The following DGKH variants were observed in gnomAD, a reference collection of about 807,000 sequenced individuals.
The protein encoded by DGKH is diacylglycerol kinase eta.
Under a neutral mutation model 159.3 loss-of-function variants are expected in DGKH, and 90 were observed. The observed-to-expected ratio is 0.57, with a 90% CI of 0.48 to 0.67. The LOEUF (loss-of-function observed/expected upper bound fraction) is 0.67, where lower values mean the gene tolerates loss of function less well. DGKH is among the 30% of genes least tolerant of loss of function. The pLI, the probability that DGKH is intolerant of heterozygous loss-of-function variation, is 0.00. For missense variants in DGKH, 1,181 were observed against 1,506.1 expected (o/e 0.78, Z 3.57); for synonymous variants, 536 against 553.8 (o/e 0.97, Z 0.45).
chr13:42,058,707 G>C (rs534431262), intron 1 of DGKH, among the ~76,000 whole-genome samples: 1 of 152,298 alleles, frequency 6.6e-6, no homozygotes, highest in African/African-American at 2.4e-5. Context: ...CAGATAGATG[G>C]AGCTATGTAA....
At chr13:42,172,188 G>A (rs545830842) in intron 11 of DGKH, among the ~76,000 whole-genome samples, 204 of 150,858 alleles carry the variant, frequency 1.4e-3, no homozygotes, top group African/African-American at 4.8e-3. Context: ...GCACAATCTC[G>A]GCTCACTGTA....
At chr13:42,153,355 A>G (rs1007168469) in intron 3 of DGKH, among the ~76,000 whole-genome samples, 3 of 152,238 alleles carry the variant, frequency 2.0e-5, no homozygotes, top group African/African-American at 7.2e-5. Context: ...TAAAACCATT[A>G]GTCATCATGC....
At chr13:42,250,405 C>T (rs1317882343) in intron 29 of DGKH, among the ~76,000 whole-genome samples, 1 of 152,114 alleles carries the variant, frequency 6.6e-6, no homozygotes, top group Non-Finnish European at 1.5e-5. Flanking sequence ...TCCATCACCT[C>T]GAACCTTTAT....
Position 42,159,611 on chromosome 13 carries a change from G to A in DGKH, c.729+239G>A, listed in dbSNP as rs538976531. On this transcript the variant is annotated intron_variant, in intron 6 of 29. Coordinates refer to ENST00000337343, the MANE Select transcript of DGKH (RefSeq NM_178009.5). ...GCCGTTGTGCTGGGCTGTTGTTGTC[G>A]ACCTCTGATGAACTCTGAGATGTTC... is the stretch of plus-strand genomic sequence containing the variant. Among the ~76,000 whole-genome samples the A allele has an allele frequency of 2.1e-4, 32 of 152,054 alleles. 1 individual carries two copies. Among genetic ancestry groups the A allele is most frequent in the African/African-American group, 7.2e-4 (30 of 41,492 alleles).
At position 42,166,750 on chromosome 13, in the gene DGKH, T is replaced by C. The variant is rs1289083932; in HGVS notation, c.1118+76T>C. ...TAAATGTGTTTGGTTTTTCAGCTCA[T>C]GAAAATTACAGATTCCTCTAGATCC... On this transcript the variant is annotated intron_variant, in intron 9 of 29. Coordinates refer to ENST00000337343, the MANE Select transcript of DGKH (RefSeq NM_178009.5). The C allele has an allele frequency of 3.1e-6, 4 of 1,295,296 alleles. No homozygotes were observed. In the East Asian group the frequency reaches 1.1e-4, roughly 35 times the overall value. 80.2% of individuals were successfully genotyped at this position (1,295,296 alleles called of 1,614,324 possible).
chr13:42,094,551 T>C (rs1049198731), intron 1 of DGKH, among the ~76,000 whole-genome samples: 4 of 152,156 alleles, frequency 2.6e-5, no homozygotes, highest in Non-Finnish European at 5.9e-5. Context: ...TCACAAAGAG[T>C]TTACATTTTA....
intron 13 of DGKH, among the ~76,000 whole-genome samples, chr13:42,186,010 G>GGTGT (rs3039205): frequency 1.2e-3 from 164 of 132,388 alleles, no homozygotes; most frequent in East Asian, 9.2e-3. Context: ...TGGTGGTGGT[G>GGTGT]GTGTGTGTGT....
intron 3 of DGKH, among the ~76,000 whole-genome samples, chr13:42,139,435 G>C (rs1955483308): frequency 6.6e-6 from 1 of 152,182 alleles, no homozygotes; most frequent in Non-Finnish European, 1.5e-5. Flanking sequence ...TCAATAGGTT[G>C]GGAGAGGGCA....
At position 42,088,186 on chromosome 13, in the gene DGKH, G is replaced by A. The variant is rs181316644; in HGVS notation, c.192+39221G>A. Among the ~76,000 whole-genome samples the A allele has an allele frequency of 2.8e-3, 429 of 152,244 alleles. 3 individuals are homozygous for A. Among genetic ancestry groups the A allele is most frequent in the African/African-American group, 9.9e-3 (410 of 41,554 alleles). On this transcript the variant is annotated intron_variant, in intron 1 of 29. Coordinates refer to ENST00000337343, the MANE Select transcript of DGKH (RefSeq NM_178009.5). ...GCTCAGTGAAAAATATCTTTCAAAA[G>A]TGAAGGCAAAATAAATAATTTTGGA...
rs565399141 is a variant in DGKH at position 42,174,169 on chromosome 13, A to T, written c.1452+25A>T. The T allele has an allele frequency of 3.2e-6, 5 of 1,540,610 alleles. No individual in the cohort carries two copies. In the South Asian group the frequency reaches 5.8e-5, roughly 18 times the overall value. ...TGTAAGACTTAACCCTTTACCTATC[A>T]TTTGAAATGGGGGTGGATATCTTGA... is the stretch of plus-strand genomic sequence containing the variant. On this transcript the variant is annotated intron_variant, in intron 12 of 29. Transcript: ENST00000337343.
In DGKH at chr13:42,237,033, T is replaced by C. The variant is rs1958429085; in HGVS notation, c.*7845T>C. 6.6e-6 allele frequency: 1 copy of C among 152,238 alleles called. No individual in the cohort carries two copies. The highest frequency in any genetic ancestry group is 2.4e-5 in the African/African-American group (1 of 41,462). The allele number at this position is 152,238 out of a possible 1,614,324, so 9.4% of individuals were successfully genotyped here. A position where few individuals can be genotyped will look rare whatever the true frequency, so the allele number is the denominator to read the frequency against. ...AGTAACCGTTATGGATAATTGTTTG[T>C]TTCTGTCAAGTCGGTGAGATTTTAA... On this transcript the variant is annotated 3_prime_UTR_variant, in exon 30 of 30. Coordinates refer to ENST00000337343, the MANE Select transcript of DGKH (RefSeq NM_178009.5).
intron 29 of DGKH, among the ~76,000 whole-genome samples, chr13:42,225,615 A>G (rs1331603048): frequency 6.6e-6 from 1 of 152,004 alleles, no homozygotes; most frequent in Non-Finnish European, 1.5e-5. Flanking sequence ...TCTACTAAAA[A>G]TACAAAAATT....
intron 27 of DGKH, 140 bp from the exon 28 acceptor site, chr13:42,219,546 G>A (rs1388403347): frequency 8.5e-7 from 1 of 1,182,518 alleles, no homozygotes; most frequent in East Asian, 2.5e-5. Flanking sequence ...GTAGTACATT[G>A]TGAACTTTTT....
chr13:42,093,846 G>A (rs945109432), intron 1 of DGKH, among the ~76,000 whole-genome samples: 16 of 152,184 alleles, frequency 1.1e-4, no homozygotes, highest in African/African-American at 3.9e-4. Flanking sequence ...GTAGTTGCCA[G>A]GGGCTGAGAA....
chr13:42,141,311 A>G (rs1955554135), intron 3 of DGKH, among the ~76,000 whole-genome samples: 1 of 151,860 alleles, frequency 6.6e-6, no homozygotes, highest in Non-Finnish European at 1.5e-5. Flanking sequence ...ATTGTTGGGC[A>G]TTTGGGTTGG....
At chr13:42,073,927 T>C (rs944336526) in intron 1 of DGKH, among the ~76,000 whole-genome samples, 9 of 152,302 alleles carry the variant, frequency 5.9e-5, no homozygotes, top group African/African-American at 2.2e-4. Context: ...AACTGCACAA[T>C]GGCTTTGGCA....
In DGKH at chr13:42,048,990, G is replaced by A. The variant is rs1881011524; in HGVS notation, c.192+25G>A. The stretch of plus-strand genomic sequence containing the variant: ...GGTAGGGCGGAGGAGGCGGGCCTGA[G>A]GGCCGCGTGGAAAGCGGGAGGTGGA... On this transcript the variant is annotated intron_variant, in intron 1 of 29. Coordinates refer to ENST00000337343, the MANE Select transcript of DGKH (RefSeq NM_178009.5). This position sits in a 1 kb window ranked among gnomAD's most constrained non-coding sequence, Gnocchi z 6.7. The A allele has an allele frequency of 3.2e-6, 4 of 1,266,480 alleles. No individual in the cohort carries two copies. Among genetic ancestry groups the A allele is most frequent in the Admixed American group, 3.9e-5 (1 of 25,614 alleles). The allele number at this position is 1,266,480 out of a possible 1,614,324, so 78.5% of individuals were successfully genotyped here.
rs553993340 is a variant in DGKH at position 42,041,265 on chromosome 13, C to A, written c.-13+1139C>A. Among the ~76,000 whole-genome samples, 14 of 152,294 alleles carry A rather than the reference C, an allele frequency of 9.2e-5. No individual in the cohort carries two copies. The East Asian group carries it at 2.7e-3, about 29-fold the overall frequency. The stretch of plus-strand genomic sequence containing the variant: ...GGGGGAGAGGAGAAGCCAGGCTGCG[C>A]GGTCAGCGTGGGGAGTCTGAGGAGC... On this transcript the variant is annotated intron_variant, in intron 1 of 29. Transcript: ENST00000379274.
intron 21 of DGKH, 89 bp downstream of exon 21, chr13:42,206,235 G>A: frequency 1.4e-6 from 1 of 728,432 alleles, no homozygotes; most frequent in Non-Finnish European, 2.0e-6. Flanking sequence ...TTGAATAGTA[G>A]TTTAATTTCA....
Sources: allele counts gnomAD v4.1 joint callset (sites outside exome capture counted in the v4.1 genomes callset), GRCh38; gene constraint gnomAD v4.1.1; non-coding constraint Gnocchi (gnomAD v3.1); transcripts MANE v1.5; gene names NCBI Gene and HGNC (gene_info 2026-07-23, HGNC 2026-07-21).